Variants in CNTN5 observed in about 807,000 individuals in gnomAD.
The protein encoded by CNTN5 is contactin 5.
CNTN5 carries 77 observed loss-of-function variants against 129.1 expected under a neutral mutation model. The observed-to-expected ratio is 0.60, with a 90% CI of 0.50 to 0.72. The LOEUF is 0.72. Among genes scored for constraint, CNTN5 ranks in the 30% least tolerant of loss-of-function variants. CNTN5 has a pLI of 0.00. For missense variants in CNTN5, 1,478 were observed against 1,328.8 expected, an observed-to-expected ratio of 1.11 and a Z score of -1.75; for synonymous variants, 509 against 465.6, an observed-to-expected ratio of 1.09 and a Z score of -1.20.
chr11:99,916,138 C>A lies in CNTN5; in HGVS notation c.662C>A (p.Pro221Gln), dbSNP rs780107536. The A allele has an allele frequency of 4.3e-6, 7 of 1,611,114 alleles. No individual in the cohort carries two copies. Among genetic ancestry groups the A allele is most frequent in the Middle Eastern group, 1.7e-4 (1 of 6,052 alleles). Reference sequence around the variant, plus strand: ...GTCGTTCTGATGTGCTCTCCTCCGCCACATTCACCAGGTACAGTAGGATCT... The same window carrying A: ...GTCGTTCTGATGTGCTCTCCTCCGCAACATTCACCAGGTACAGTAGGATCT... ...QGVVLMCSPPPHSPEIIYSWV... is the reference protein window; with the variant it reads ...QGVVLMCSPPQHSPEIIYSWV... The change falls in exon 7 of 25, where the codon CCA becomes CAA. Residue 221 changes from proline to glutamine, a missense_variant. Coordinates refer to ENST00000524871, the MANE Select transcript of CNTN5 (RefSeq NM_014361.4).
chr11:100,211,636 G>T (rs1213828163), intron 15 of CNTN5, among the ~76,000 whole-genome samples: 1 of 152,164 alleles, frequency 6.6e-6, no homozygotes, highest in Non-Finnish European at 1.5e-5. Context: ...TATCAGGTAT[G>T]GATCATGTTA....
intron 9 of CNTN5, among the ~76,000 whole-genome samples, chr11:100,044,117 C>T (rs1451593188): frequency 2.0e-5 from 3 of 146,670 alleles, no homozygotes; most frequent in Admixed American, 6.9e-5. Context: ...CACACACACA[C>T]GTATAGACTT....
intron 3 of CNTN5, among the ~76,000 whole-genome samples, chr11:99,610,297 C>G (rs978500821): frequency 2.0e-5 from 3 of 152,024 alleles, no homozygotes; most frequent in Non-Finnish European, 1.5e-5. Context: ...GATGTAATGG[C>G]CTATTTGAGT....
chr11:99,116,496 T>G (rs1858051365), intron 1 of CNTN5, among the ~76,000 whole-genome samples: 1 of 152,218 alleles, frequency 6.6e-6, no homozygotes, highest in Non-Finnish European at 1.5e-5. Flanking sequence ...GTTTGGATGT[T>G]GATTTCCTAT....
chr11:99,123,007 C>A (rs1052398907), intron 1 of CNTN5, among the ~76,000 whole-genome samples: 1 of 152,070 alleles, frequency 6.6e-6, no homozygotes, highest in African/African-American at 2.4e-5. Context: ...AATAAACATA[C>A]ATGTGCATGT....
chr11:100,326,971 T>C (rs1249406730), intron 21 of CNTN5, among the ~76,000 whole-genome samples: 3 of 152,220 alleles, frequency 2.0e-5, no homozygotes, highest in African/African-American at 4.8e-5. Context: ...CAAAGTGAGA[T>C]GCAGAAGTAT....
intron 20 of CNTN5, among the ~76,000 whole-genome samples, chr11:100,305,556 A>G (rs1222115885): frequency 2.6e-5 from 4 of 151,696 alleles, no homozygotes; most frequent in African/African-American, 7.3e-5. Context: ...CTGCCCCTGC[A>G]TTTGTGACTT....
At chr11:99,636,107 A>G (rs1377403592) in intron 3 of CNTN5, among the ~76,000 whole-genome samples, 2 of 152,048 alleles carry the variant, frequency 1.3e-5, no homozygotes, top group Non-Finnish European at 2.9e-5. Context: ...AATGTTCTGT[A>G]AATTCCTGAC....
chr11:99,934,872 C>CTGTGTGTGTGTGTG lies in CNTN5; in HGVS notation c.673+18737_673+18750dup, dbSNP rs369560126. Among the ~76,000 whole-genome samples, 63 of 50,088 alleles carry CTGTGTGTGTGTGTG rather than the reference C, an allele frequency of 1.3e-3. 1 individual carries two copies. The highest frequency in any genetic ancestry group is 1.5e-3 in the Non-Finnish European group (41 of 27,840). 32.9% of individuals were successfully genotyped at this position (50,088 alleles called of 152,430 possible). ...CCTGGGCAACAGAGTGAGACTCAGT[C>CTGTGTGTGTGTGTG]TGTGTGTGTGTGTGTGTGTGTGTGT... On this transcript the variant is annotated intron_variant, in intron 7 of 24. Coordinates refer to ENST00000524871, the MANE Select transcript of CNTN5 (RefSeq NM_014361.4).
intron 13 of CNTN5, among the ~76,000 whole-genome samples, chr11:100,123,449 T>C (rs1391546726): frequency 1.3e-5 from 2 of 152,046 alleles, no homozygotes; most frequent in Non-Finnish European, 2.9e-5. Flanking sequence ...ACAAATGTAA[T>C]GTAAAGCATT....
intron 2 of CNTN5, among the ~76,000 whole-genome samples, chr11:99,458,776 GAAGTCTGGGGA>G: frequency 6.6e-6 from 1 of 152,120 alleles, no homozygotes; most frequent in Non-Finnish European, 1.5e-5. Flanking sequence ...GGAAAAACCT[GAAGTCTGGGGA>G]ACTGAGCAAA....
At chr11:99,747,171 G>T (rs1185354592) in intron 3 of CNTN5, among the ~76,000 whole-genome samples, 1 of 152,038 alleles carries the variant, frequency 6.6e-6, no homozygotes, top group African/African-American at 2.4e-5. Context: ...TTCTTTTGAT[G>T]ATGTGATTAT....
At chr11:99,596,160 A>G (rs2453257) in intron 3 of CNTN5, among the ~76,000 whole-genome samples, 147,925 of 152,218 alleles carry the variant, frequency 0.97, 72,021 homozygotes, top group East Asian at 1. Flanking sequence ...GAAGACCATT[A>G]CTAAATTTTG....
chr11:100,122,363 A>C (rs966769982), intron 13 of CNTN5, among the ~76,000 whole-genome samples: 2 of 152,008 alleles, frequency 1.3e-5, no homozygotes, highest in East Asian at 1.9e-4. Context: ...TTTTTGTTCT[A>C]TCAGGCGCCC....
intron 2 of CNTN5, among the ~76,000 whole-genome samples, chr11:99,328,358 G>A (rs935191192): frequency 1.1e-4 from 17 of 152,220 alleles, no homozygotes; most frequent in Admixed American, 2.6e-4. Flanking sequence ...AATGAAAAGC[G>A]TAATTTCTTA....
chr11:99,894,589 CAAAA>C (rs202219135), intron 6 of CNTN5, among the ~76,000 whole-genome samples: 6 of 133,308 alleles, frequency 4.5e-5, no homozygotes, highest in African/African-American at 1.7e-4. Flanking sequence ...AACAAACAAA[CAAAA>C]AAACCATGAA....
At chr11:99,951,002 A>G (rs1014741362) in intron 7 of CNTN5, among the ~76,000 whole-genome samples, 14 of 152,154 alleles carry the variant, frequency 9.2e-5, no homozygotes, top group African/African-American at 2.4e-5. Flanking sequence ...AATAATAACT[A>G]TATTTCTGTA....
At chr11:99,867,091 C>G (rs190178799) in intron 6 of CNTN5, among the ~76,000 whole-genome samples, 1 of 152,226 alleles carries the variant, frequency 6.6e-6, no homozygotes, top group African/African-American at 2.4e-5. Flanking sequence ...GAATTCCAGT[C>G]TTGATCTGAG....
At chr11:99,228,569 G>A (rs565758953) in intron 1 of CNTN5, among the ~76,000 whole-genome samples, 1 of 152,148 alleles carries the variant, frequency 6.6e-6, no homozygotes, top group African/African-American at 2.4e-5. Context: ...CACAGTCTGT[G>A]TGTGTAACAA....
Sources: allele counts gnomAD v4.1 joint callset (sites outside exome capture counted in the v4.1 genomes callset), GRCh38; gene constraint gnomAD v4.1.1; transcripts MANE v1.5; gene names NCBI Gene and HGNC (gene_info 2026-07-23, HGNC 2026-07-21).